The following EEPD1 variants were observed in gnomAD, a reference collection of about 807,000 sequenced individuals.
EEPD1 encodes the protein endonuclease/exonuclease/phosphatase family domain containing 1, also known as endonuclease/exonuclease/phosphatase family domain-containing protein 1.
Under a neutral mutation model 46.3 loss-of-function variants are expected in EEPD1, and 17 were observed. The ratio of observed to expected loss-of-function variants is 0.37; its 90% CI spans 0.25 to 0.55. EEPD1 has a LOEUF of 0.55. Among genes scored for constraint, EEPD1 ranks in the 20% least tolerant of loss-of-function variants. EEPD1 has a pLI of 0.83. For synonymous variants in EEPD1, 313 were observed against 315.6 expected, an observed-to-expected ratio of 0.99 and a Z score of 0.09; for missense variants, 673 against 745.6, an observed-to-expected ratio of 0.90 and a Z score of 1.13.
chr7:36,249,627 T>C (rs891190061), intron 3 of EEPD1, among the ~76,000 whole-genome samples: 1 of 152,168 alleles, frequency 6.6e-6, no homozygotes, highest in African/African-American at 2.4e-5. Context: ...TAATATTTGC[T>C]ATGAGGGAGA....
chr7:36,219,469 C>A (rs1786093936), intron 2 of EEPD1, among the ~76,000 whole-genome samples: 1 of 149,422 alleles, frequency 6.7e-6, no homozygotes, highest in South Asian at 2.1e-4. Context: ...AGTTTGAAAC[C>A]AGCCTGAGCA....
At chr7:36,232,025 G>A (rs1237147006) in intron 2 of EEPD1, among the ~76,000 whole-genome samples, 1 of 152,142 alleles carries the variant, frequency 6.6e-6, no homozygotes, top group Non-Finnish European at 1.5e-5. Context: ...ACAGCTTTCT[G>A]AAGAAATCCA....
intron 3 of EEPD1, among the ~76,000 whole-genome samples, chr7:36,239,568 A>G (rs1319013586): frequency 6.6e-6 from 1 of 152,098 alleles, no homozygotes; most frequent in African/African-American, 2.4e-5. Flanking sequence ...ATCTCTTTTT[A>G]GGCTACTACT....
At position 36,232,269 on chromosome 7, in the gene EEPD1, A is replaced by G. The variant is rs143257470; in HGVS notation, c.879-6716A>G. 4.9e-3 allele frequency among the ~76,000 whole-genome samples: 746 copies of G among 151,570 alleles called. 3 individuals are homozygous for G. The highest frequency in any genetic ancestry group is 0.017 in the African/African-American group (709 of 41,280). On this transcript the variant is annotated intron_variant, in intron 2 of 7. Transcript: ENST00000242108. ...ACCTAGGCTGGAGTTCAGTGGCACA[A>G]TCTTGGTTCACTGCAACCTCCGCCT...
At chr7:36,250,045 C>G (rs974126335) in intron 3 of EEPD1, among the ~76,000 whole-genome samples, 2 of 151,976 alleles carry the variant, frequency 1.3e-5, no homozygotes, top group East Asian at 3.9e-4. Flanking sequence ...ATAGTGAAAC[C>G]CTGTCTCTAC....
At chr7:36,209,945 T>C (rs1254778352) in intron 2 of EEPD1, among the ~76,000 whole-genome samples, 1 of 152,012 alleles carries the variant, frequency 6.6e-6, no homozygotes. Flanking sequence ...GCTGGTTGGC[T>C]GTGGAGATGA....
intron 2 of EEPD1, among the ~76,000 whole-genome samples, chr7:36,207,888 G>GTTTTTTTT (rs35062290): frequency 8.2e-6 from 1 of 122,184 alleles, no homozygotes. Flanking sequence ...CAGTGCAGGA[G>GTTTTTTTT]TTTTTTTTTT....
chr7:36,225,584 A>AG lies in EEPD1; in HGVS notation c.879-13400dup, dbSNP rs1350359038. ...AGCATTTCATCCAAACAGAGAAAAA[A>AG]GTAACAAAAATTAAGTCGACTTTAG... On this transcript the variant is annotated intron_variant, in intron 2 of 7. Transcript: ENST00000242108. This position sits in a 1 kb window ranked among gnomAD's most constrained non-coding sequence, Gnocchi z 4.2. Among the ~76,000 whole-genome samples the AG allele has an allele frequency of 6.6e-6, 1 of 152,194 alleles. No individual in the cohort carries two copies. The highest frequency in any genetic ancestry group is 1.5e-5 in the Non-Finnish European group (1 of 68,038).
chr7:36,253,104 T>C (rs1409278165), intron 3 of EEPD1, among the ~76,000 whole-genome samples: 1 of 152,020 alleles, frequency 6.6e-6, no homozygotes, highest in Non-Finnish European at 1.5e-5. Flanking sequence ...TCTACCCCCA[T>C]ACATTTCACT....
intron 2 of EEPD1, among the ~76,000 whole-genome samples, chr7:36,234,237 G>A (rs1786388280): frequency 6.6e-6 from 1 of 152,118 alleles, no homozygotes; most frequent in Admixed American, 6.5e-5. Flanking sequence ...TGTTGGTGTT[G>A]GTGGTTTCTT....
chr7:36,239,072 CA>C (rs776904481), intron 3 of EEPD1, 36 bp downstream of exon 3: 6 of 1,603,314 alleles, frequency 3.7e-6, no homozygotes, highest in Non-Finnish European at 5.1e-6. Context: ...ATTCACAAAC[CA>C]AGAACGGAGG....
intron 3 of EEPD1, among the ~76,000 whole-genome samples, chr7:36,275,473 A>G (rs999557190): frequency 1.6e-4 from 25 of 152,058 alleles, no homozygotes; most frequent in African/African-American, 6.0e-4. Flanking sequence ...TTGAGACAGA[A>G]TATCACTCTG....
chr7:36,175,822 G>A (rs765823948), intron 2 of EEPD1, among the ~76,000 whole-genome samples: 9 of 152,310 alleles, frequency 5.9e-5, no homozygotes, highest in African/African-American at 1.2e-4. Flanking sequence ...TGTGGGGACC[G>A]CAGCTGGACC....
At chr7:36,215,459 G>A (rs1786012978) in intron 2 of EEPD1, among the ~76,000 whole-genome samples, 1 of 152,222 alleles carries the variant, frequency 6.6e-6, no homozygotes, top group African/African-American at 2.4e-5. Flanking sequence ...TCTTTGTAAT[G>A]CAGATGCACA....
intron 2 of EEPD1, among the ~76,000 whole-genome samples, chr7:36,196,054 A>C (rs1785576654): frequency 6.6e-6 from 1 of 152,206 alleles, no homozygotes; most frequent in Non-Finnish European, 1.5e-5. Flanking sequence ...TACTGTACTG[A>C]ATATTATAAC....
chr7:36,221,034 C>T (rs2540677), intron 2 of EEPD1, among the ~76,000 whole-genome samples: 1 of 152,080 alleles, frequency 6.6e-6, no homozygotes, highest in African/African-American at 2.4e-5. Flanking sequence ...GTCCAGAACT[C>T]CTCGCCTGAA....
chr7:36,254,050 A>G (rs952000343), intron 3 of EEPD1, among the ~76,000 whole-genome samples: 12 of 152,090 alleles, frequency 7.9e-5, no homozygotes, highest in Non-Finnish European at 1.8e-4. Flanking sequence ...ATTTTCTAAT[A>G]TGGCATTTAA....
At chr7:36,204,420 G>T (rs1343814124) in intron 2 of EEPD1, among the ~76,000 whole-genome samples, 3 of 114,386 alleles carry the variant, frequency 2.6e-5, no homozygotes, top group Non-Finnish European at 7.0e-5. Context: ...CAATGATGAT[G>T]AGGAGGAGGA....
chr7:36,257,520 C>G (rs1244715290), intron 3 of EEPD1, among the ~76,000 whole-genome samples: 1 of 151,944 alleles, frequency 6.6e-6, no homozygotes, highest in Non-Finnish European at 1.5e-5. Context: ...TTTGTTCGTT[C>G]CTTTTCATTC....
Sources: allele counts gnomAD v4.1 joint callset (sites outside exome capture counted in the v4.1 genomes callset), GRCh38; gene constraint gnomAD v4.1.1; non-coding constraint Gnocchi (gnomAD v3.1); transcripts MANE v1.5; gene names NCBI Gene and HGNC (gene_info 2026-07-23, HGNC 2026-07-21).